Variants in STARD9 observed in about 807,000 individuals in gnomAD.
The protein encoded by STARD9 is stAR-related lipid transfer protein 9.
STARD9 carries 346 observed loss-of-function variants against 399.8 expected under a neutral mutation model. That is an observed-to-expected ratio of 0.87 (90% CI 0.79 to 0.95). The LOEUF (loss-of-function observed/expected upper bound fraction) is 0.95, where lower values mean the gene tolerates loss of function less well. Among genes scored for constraint, STARD9 ranks in the 40% least tolerant of loss-of-function variants. The pLI is 0.00. For synonymous variants in STARD9, 2,203 were observed against 2,143.5 expected (o/e 1.03, Z -0.77); for missense variants, 5,832 against 5,667.5 (o/e 1.03, Z -0.93).
At chr15:42,576,504 A>G (rs1007295490) in intron 1 of STARD9, among the ~76,000 whole-genome samples, 1 of 152,154 alleles carries the variant, frequency 6.6e-6, no homozygotes, top group Non-Finnish European at 1.5e-5. Flanking sequence ...AGAGCCTTCT[A>G]TGTAGTAAGA....
intron 4 of STARD9, among the ~76,000 whole-genome samples, chr15:42,635,195 G>A (rs535958886): frequency 1.3e-3 from 190 of 150,656 alleles, no homozygotes; most frequent in African/African-American, 4.5e-3. Context: ...GGGAGGCGGA[G>A]CTTGCTGTGA....
chr15:42,694,381 G>T, intron 23 of STARD9, 39 bp downstream of exon 23: 1 of 1,535,874 alleles, frequency 6.5e-7, no homozygotes, highest in South Asian at 1.2e-5. Context: ...GGGAAGGGGT[G>T]GGCTGTGAGG....
At chr15:42,675,590 G>T in intron 18 of STARD9, 74 bp from the exon 19 acceptor site, 1 of 1,144,774 alleles carries the variant, frequency 8.7e-7, no homozygotes, top group Non-Finnish European at 1.3e-6. Context: ...GTCTCACAGA[G>T]CAGTGCCGTA....
intron 3 of STARD9, among the ~76,000 whole-genome samples, chr15:42,634,647 A>C (rs1014509418): frequency 6.6e-6 from 1 of 152,202 alleles, no homozygotes; most frequent in African/African-American, 2.4e-5. Context: ...GTCTAGATAC[A>C]CTAGGCACTT....
chr15:42,661,196 C>G lies in STARD9; in HGVS notation c.741C>G (p.Ser247Arg). Residue 247 changes from serine (S) to arginine (R), a missense_variant, in exon 10 of 33, where the codon AGC becomes AGG. By Grantham distance (110) the Ser-to-Arg change is moderately radical. Transcript: ENST00000290607. ...ACAACCTCCCTTCTGAAATGGCTAG[C>G]AAGATCAACCTTGTGGACCTAGCAG... ...LENNLPSEMA[S>R]KINLVDLAGS... The G allele has an allele frequency of 6.5e-7, 1 of 1,536,906 alleles. No individual in the cohort carries two copies. Among genetic ancestry groups the G allele is most frequent in the Non-Finnish European group, 8.7e-7 (1 of 1,146,658 alleles).
chr15:42,631,853 G>A (rs1437791427), intron 3 of STARD9, among the ~76,000 whole-genome samples: 1 of 151,880 alleles, frequency 6.6e-6, no homozygotes, highest in Non-Finnish European at 1.5e-5. Flanking sequence ...GTGTTTTGTG[G>A]CCGAACATAT....
rs767110346 is a variant in STARD9, at chr15:42,652,506, C to T, written c.630-14C>T. ...AACAATCCTCGTCCTAACAGTTTTT[C>T]CTTGTATACACAGAATCACAGCAGC... On this transcript the variant is annotated splice_polypyrimidine_tract_variant and intron_variant, in intron 8 of 32. Transcript: ENST00000290607. The T allele has an allele frequency of 4.6e-6, 7 of 1,536,580 alleles. No homozygotes were observed. In the African/African-American group the frequency reaches 8.2e-5, roughly 18 times the overall value.
chr15:42,716,635 G>GCTTGCCTTCTGGCTCTGTC, intron 26 of STARD9, 42 bp from the exon 27 acceptor site: 1 of 1,262,622 alleles, frequency 7.9e-7, no homozygotes, highest in East Asian at 2.5e-5. Flanking sequence ...ATAATTCTGT[G>GCTTGCCTTCTGGCTCTGTC]CTTGCCTTCT....
chr15:42,638,579 T>A (rs10162939), intron 6 of STARD9, 121 bp from the exon 7 acceptor site: 475,264 of 616,936 alleles, frequency 0.77, 185,020 homozygotes, highest in East Asian at 0.9. Context: ...GGCTTGATCA[T>A]TGCCTTAGAG....
chr15:42,652,823 C>T (rs1297552428), intron 9 of STARD9, among the ~76,000 whole-genome samples: 2 of 152,062 alleles, frequency 1.3e-5, no homozygotes, highest in Non-Finnish European at 2.9e-5. Flanking sequence ...TTACAGGAGA[C>T]GCCACCATGC....
chr15:42,585,711 G>C (rs2058263370), intron 3 of STARD9, 74 bp downstream of exon 3: 1 of 997,662 alleles, frequency 1.0e-6, no homozygotes, highest in Admixed American at 2.1e-5. Flanking sequence ...TTATTATAAA[G>C]ATACTTTGCA....
At position 42,720,604 on chromosome 15, in the gene STARD9, C is replaced by T. The variant is rs191890653; in HGVS notation, c.*1030C>T. The T allele has an allele frequency of 2.0e-5, 3 of 152,284 alleles. No individual in the cohort carries two copies. The highest frequency in any genetic ancestry group is 2.1e-4 in the South Asian group (1 of 4,820). 9.4% of individuals were successfully genotyped at this position (152,284 alleles called of 1,614,324 possible). A position where few individuals can be genotyped will look rare whatever the true frequency, so the allele number is the denominator to read the frequency against. On this transcript the variant is annotated 3_prime_UTR_variant, in exon 33 of 33. Transcript: ENST00000290607. ...GGGTTCAGTTTTCTTGTACTTTAGC[C>T]TGGCTGAACATGAACTTTGTGTTTA...
intron 3 of STARD9, among the ~76,000 whole-genome samples, chr15:42,632,011 A>T (rs541801101): frequency 6.6e-6 from 1 of 152,300 alleles, no homozygotes; most frequent in South Asian, 2.1e-4. Context: ...TTCTGTCTGA[A>T]TGATCTTTCC....
chr15:42,627,967 T>C (rs1341162737), intron 3 of STARD9, among the ~76,000 whole-genome samples: 1 of 152,224 alleles, frequency 6.6e-6, no homozygotes, highest in African/African-American at 2.4e-5. Context: ...CTGGATCATA[T>C]GGTAATTTTA....
At chr15:42,593,106 G>A (rs953446715) in intron 3 of STARD9, among the ~76,000 whole-genome samples, 4 of 152,078 alleles carry the variant, frequency 2.6e-5, no homozygotes, top group Admixed American at 2.0e-4. Flanking sequence ...CTGTGCCTTG[G>A]GTCCCTGCCG....
chr15:42,627,001 C>G (rs2141881895), intron 3 of STARD9, among the ~76,000 whole-genome samples: 1 of 152,226 alleles, frequency 6.6e-6, no homozygotes, highest in Admixed American at 6.5e-5. Flanking sequence ...CTCAGCCTCC[C>G]AAAGTGCTGG....
intron 3 of STARD9, among the ~76,000 whole-genome samples, chr15:42,592,632 A>G (rs1166236526): frequency 6.6e-6 from 1 of 151,594 alleles, no homozygotes; most frequent in African/African-American, 2.4e-5. Context: ...TGTAGTAGAG[A>G]CGGGTTTCTC....
At chr15:42,617,807 G>A (rs1436778095) in intron 3 of STARD9, among the ~76,000 whole-genome samples, 1 of 151,942 alleles carries the variant, frequency 6.6e-6, no homozygotes, top group Non-Finnish European at 1.5e-5. Context: ...AGGCTGGAGT[G>A]CAGTGGCACG....
chr15:42,607,078 G>A (rs1202908702), intron 3 of STARD9, among the ~76,000 whole-genome samples: 1 of 151,512 alleles, frequency 6.6e-6, no homozygotes, highest in African/African-American at 2.4e-5. Flanking sequence ...TTCCTGAGTA[G>A]CTGGGACTAC....
Sources: allele counts gnomAD v4.1 joint callset (sites outside exome capture counted in the v4.1 genomes callset), GRCh38; gene constraint gnomAD v4.1.1; transcripts MANE v1.5; gene names NCBI Gene and HGNC (gene_info 2026-07-23, HGNC 2026-07-21).